The following MAGI2 variants were observed in gnomAD, a reference collection of about 807,000 sequenced individuals.
MAGI2 encodes membrane associated guanylate kinase, WW and PDZ domain containing 2, also known as membrane-associated guanylate kinase, WW and PDZ domain-containing protein 2.
MAGI2 carries 35 observed loss-of-function variants against 133.3 expected under a neutral mutation model. That is an observed-to-expected ratio of 0.26 (90% CI 0.20 to 0.35). The LOEUF (loss-of-function observed/expected upper bound fraction) is 0.35. Among genes scored for constraint, MAGI2 ranks in the 10% least tolerant of loss-of-function variants. The probability of loss-of-function intolerance (pLI) is 1.00; values close to 1 mark genes in which losing one functional copy is unlikely to be tolerated. For synonymous variants in MAGI2, 729 were observed against 710.6 expected (o/e 1.03, Z -0.41); for missense variants, 1,636 against 1,863.4 (o/e 0.88, Z 2.25).
intron 21 of MAGI2, among the ~76,000 whole-genome samples, chr7:78,061,856 G>A (rs1813308756): frequency 6.6e-6 from 1 of 152,182 alleles, no homozygotes; most frequent in South Asian, 2.1e-4. Flanking sequence ...AGGGGCTGAC[G>A]GGTTGAATCC....
At chr7:78,681,911 C>T (rs1815709600) in intron 2 of MAGI2, among the ~76,000 whole-genome samples, 1 of 152,118 alleles carries the variant, frequency 6.6e-6, no homozygotes, top group Non-Finnish European at 1.5e-5. Context: ...AACCTAATTA[C>T]ACCAACATCT....
intron 1 of MAGI2, among the ~76,000 whole-genome samples, chr7:79,063,277 T>A (rs764218747): frequency 4.6e-5 from 7 of 152,142 alleles, no homozygotes; most frequent in Non-Finnish European, 1.0e-4. Flanking sequence ...CATATTATCA[T>A]CAGCCAAATC....
chr7:79,399,482 G>A (rs1159631422), intron 1 of MAGI2, among the ~76,000 whole-genome samples: 2 of 152,078 alleles, frequency 1.3e-5, no homozygotes, highest in South Asian at 2.1e-4. Flanking sequence ...TTCACTGCCA[G>A]GGTTGTAGAG....
At chr7:78,581,791 T>C (rs1563200653) in intron 3 of MAGI2, among the ~76,000 whole-genome samples, 1 of 152,176 alleles carries the variant, frequency 6.6e-6, no homozygotes, top group Non-Finnish European at 1.5e-5. Context: ...CATTTTTTTT[T>C]CTGTTAAATG....
At chr7:78,506,298 T>A (rs1795080353) in intron 4 of MAGI2, among the ~76,000 whole-genome samples, 1 of 151,940 alleles carries the variant, frequency 6.6e-6, no homozygotes, top group South Asian at 2.1e-4. Flanking sequence ...TTCTGTGGGG[T>A]AGGGGTAGGC....
At chr7:78,254,155 TGG>T (rs1792723359) in intron 10 of MAGI2, 1 of 152,152 alleles carries the variant, frequency 6.6e-6, no homozygotes, top group Admixed American at 6.5e-5. Flanking sequence ...AAAGTGAGAA[TGG>T]GGTAGCCAAG....
chr7:78,378,655 T>C (rs2011076), intron 6 of MAGI2, among the ~76,000 whole-genome samples: 124,475 of 151,918 alleles, frequency 0.82, 51,107 homozygotes, highest in Admixed American at 0.85. Context: ...ATTGTGCAAA[T>C]ACACACACCC....
At chr7:78,770,286 C>T (rs994728485) in intron 2 of MAGI2, among the ~76,000 whole-genome samples, 1 of 152,144 alleles carries the variant, frequency 6.6e-6, no homozygotes, top group African/African-American at 2.4e-5. Context: ...ACCAGGTCCC[C>T]ATAAAATTAA....
At chr7:78,975,553 A>T (rs886130176) in intron 2 of MAGI2, among the ~76,000 whole-genome samples, 3 of 151,688 alleles carry the variant, frequency 2.0e-5, no homozygotes, top group Non-Finnish European at 4.4e-5. Flanking sequence ...TTATAGTAAC[A>T]AATGCATATA....
intron 14 of MAGI2, among the ~76,000 whole-genome samples, chr7:78,172,200 AC>A (rs1471375662): frequency 6.6e-6 from 1 of 152,096 alleles, no homozygotes; most frequent in Non-Finnish European, 1.5e-5. Context: ...ACACACACAA[AC>A]CCAAAACCAC....
intron 10 of MAGI2, among the ~76,000 whole-genome samples, chr7:78,244,365 T>TA (rs1011914533): frequency 6.6e-5 from 10 of 151,454 alleles, no homozygotes; most frequent in Non-Finnish European, 1.3e-4. Context: ...ACAGAAACTC[T>TA]AAAAAAAATT....
chr7:79,151,026 T>A (rs1454806625), intron 1 of MAGI2, among the ~76,000 whole-genome samples: 1 of 152,118 alleles, frequency 6.6e-6, no homozygotes, highest in Non-Finnish European at 1.5e-5. Context: ...TTTGTTTTTG[T>A]TTTTCTGAGA....
Position 78,127,397 on chromosome 7 carries a change from C to T in MAGI2, c.3223G>A (p.Ala1075Thr). ...HENSYRSEVK[A>T]RQDVKPDIRQ... ...ATGTCTGGTTTCACATCTTGCCTTG[C>T]TTTCACTTCCGACCTGTAACTAAAT... Residue 1075 changes from alanine (A) to threonine (T), a missense_variant, in exon 19 of 22, where the codon GCA (alanine) becomes ACA (threonine). Ala to Thr is a moderately conservative substitution (Grantham distance 58). Around this residue, in one of 5 missense-constraint regions of MAGI2, gnomAD observed 920 missense variants for 1,093.5 expected, o/e 0.84. Coordinates refer to ENST00000354212, the MANE Select transcript of MAGI2 (RefSeq NM_012301.4). 2 of 1,604,376 alleles carry T rather than the reference C, an allele frequency of 1.2e-6. No homozygotes were observed. The highest frequency in any genetic ancestry group is 1.7e-6 in the Non-Finnish European group (2 of 1,179,698).
At chr7:79,365,612 C>T (rs1012774412) in intron 1 of MAGI2, among the ~76,000 whole-genome samples, 1 of 151,856 alleles carries the variant, frequency 6.6e-6, no homozygotes, top group Non-Finnish European at 1.5e-5. Flanking sequence ...AATCCTAGCA[C>T]TTTGGGGGGC....
intron 2 of MAGI2, among the ~76,000 whole-genome samples, chr7:78,743,069 C>T (rs879691997): frequency 6.6e-5 from 10 of 152,196 alleles, no homozygotes; most frequent in Non-Finnish European, 8.8e-5. Context: ...CAGCCAAGTG[C>T]TTCTCAAAAT....
At chr7:78,523,533 T>C (rs909964007) in intron 3 of MAGI2, among the ~76,000 whole-genome samples, 1 of 151,956 alleles carries the variant, frequency 6.6e-6, no homozygotes, top group South Asian at 2.1e-4. Flanking sequence ...TGCCCAAGAC[T>C]GGGTAATTTA....
At chr7:79,091,020 A>G (rs543370312) in intron 1 of MAGI2, among the ~76,000 whole-genome samples, 5 of 151,348 alleles carry the variant, frequency 3.3e-5, no homozygotes, top group African/African-American at 1.2e-4. Flanking sequence ...TAAAACTCTT[A>G]GATCTTCCTT....
chr7:78,760,039 C>A (rs918889793), intron 2 of MAGI2, among the ~76,000 whole-genome samples: 1 of 152,074 alleles, frequency 6.6e-6, no homozygotes, highest in African/African-American at 2.4e-5. Context: ...TGCTTGAACC[C>A]TGAAAGGTGG....
intron 2 of MAGI2, among the ~76,000 whole-genome samples, chr7:78,797,440 A>G (rs1273901839): frequency 6.6e-6 from 1 of 152,142 alleles, no homozygotes; most frequent in Non-Finnish European, 1.5e-5. Context: ...ATTCAGCTTC[A>G]AAAACTGTGA....
Sources: allele counts gnomAD v4.1 joint callset (sites outside exome capture counted in the v4.1 genomes callset), GRCh38; gene constraint gnomAD v4.1.1; regional missense constraint gnomAD v4.1.1; transcripts MANE v1.5; gene names NCBI Gene and HGNC (gene_info 2026-07-23, HGNC 2026-07-21).